Variants in NFIB observed in about 807,000 individuals in gnomAD.
NFIB encodes nuclear factor I B.
In NFIB, 11 loss-of-function variants were observed where a neutral mutation model predicts 61.5. The observed-to-expected ratio is 0.18, with a 90% confidence interval of 0.11 to 0.30. The LOEUF (loss-of-function observed/expected upper bound fraction) is 0.30. NFIB is among the 10% of genes least tolerant of loss of function. The pLI is 1.00. For synonymous variants in NFIB, 260 were observed against 216.5 expected (o/e 1.20, Z -1.76); for missense variants, 471 against 608.9 (o/e 0.77, Z 2.38).
intron 2 of NFIB, among the ~76,000 whole-genome samples, chr9:14,190,465 G>A (rs2131548831): frequency 6.6e-6 from 1 of 152,286 alleles, no homozygotes; most frequent in South Asian, 2.1e-4. Context: ...CAGGAAGCTT[G>A]CTGATGTGGC....
At chr9:14,109,706 T>C (rs1348981475) in intron 10 of NFIB, among the ~76,000 whole-genome samples, 1 of 152,130 alleles carries the variant, frequency 6.6e-6, no homozygotes, top group Non-Finnish European at 1.5e-5. Flanking sequence ...TAAAGTCAAA[T>C]ACTGATCAGC....
chr9:14,145,412 A>G (rs1380950409), intron 6 of NFIB, among the ~76,000 whole-genome samples: 1 of 152,118 alleles, frequency 6.6e-6, no homozygotes, highest in African/African-American at 2.4e-5. Flanking sequence ...AAGGAGGTAC[A>G]CTTGACTCAA....
the NFIB span, among the ~76,000 whole-genome samples, chr9:14,502,588 C>T: frequency 6.6e-6 from 1 of 152,170 alleles, no homozygotes; most frequent in Non-Finnish European, 1.5e-5. Context: ...TCTTACACAG[C>T]GGATGATTAA....
Position 14,155,638 on chromosome 9 carries a change from T to A in NFIB, c.685+187A>T, listed in dbSNP as rs1171201914. ...AATTATTTTTGTACAACAAAAAGTT[T>A]TGATGATTTGAATGCAAACATTTTA... is the stretch of plus-strand genomic sequence containing the variant. On this transcript the variant is annotated intron_variant, in intron 4 of 10. Coordinates refer to ENST00000380953, the MANE Select transcript of NFIB (RefSeq NM_001190737.2). Among the ~76,000 whole-genome samples, 3 of 152,314 alleles carry A rather than the reference T, an allele frequency of 2.0e-5. No homozygotes were observed. In the South Asian group the frequency reaches 6.2e-4, roughly 32 times the overall value.
intron 1 of NFIB, among the ~76,000 whole-genome samples, chr9:14,390,042 C>G (rs938246136): frequency 2.6e-5 from 4 of 152,126 alleles, no homozygotes; most frequent in Admixed American, 1.3e-4. Context: ...TTGTCTTAAA[C>G]CCTACCAAAA....
At chr9:14,104,729 T>G (rs1359923323) in intron 10 of NFIB, among the ~76,000 whole-genome samples, 1 of 151,290 alleles carries the variant, frequency 6.6e-6, no homozygotes, top group Non-Finnish European at 1.5e-5. Context: ...TACAGGTTCG[T>G]GCCACCATGC....
At chr9:14,397,105 T>C (rs1166930107) in intron 1 of NFIB, among the ~76,000 whole-genome samples, 1 of 152,200 alleles carries the variant, frequency 6.6e-6, no homozygotes, top group African/African-American at 2.4e-5. Context: ...CTCTCTCTCT[T>C]TCTTTCTCAC....
At chr9:14,163,647 T>C in intron 3 of NFIB, among the ~76,000 whole-genome samples, 1 of 152,116 alleles carries the variant, frequency 6.6e-6, no homozygotes, top group Non-Finnish European at 1.5e-5. Context: ...AGAAACTTTA[T>C]AAAAAATAAA....
chr9:14,305,445 ATC>A (rs1280882110), intron 2 of NFIB, among the ~76,000 whole-genome samples: 2 of 152,232 alleles, frequency 1.3e-5, no homozygotes, highest in African/African-American at 4.8e-5. Context: ...CCTCCTAGAC[ATC>A]TGTCAATCAA....
At chr9:14,206,716 A>C (rs2049776175) in intron 2 of NFIB, among the ~76,000 whole-genome samples, 1 of 150,518 alleles carries the variant, frequency 6.6e-6, no homozygotes, top group African/African-American at 2.4e-5. Context: ...AAAAAAAAAA[A>C]AAAAACCTAA....
chr9:14,125,487 T>C (rs774375546), intron 7 of NFIB, 145 bp downstream of exon 7: 3 of 1,176,476 alleles, frequency 2.5e-6, no homozygotes, highest in Non-Finnish European at 3.5e-6. Context: ...GAAGAAAAAA[T>C]ACTTGATCGG....
chr9:14,092,958 C>T (rs1168245291), intron 10 of NFIB, among the ~76,000 whole-genome samples: 2 of 152,062 alleles, frequency 1.3e-5, no homozygotes, highest in African/African-American at 4.8e-5. Flanking sequence ...TTGCTCTCGG[C>T]AGCCATACCA....
At chr9:14,124,789 C>A (rs1051232509) in intron 7 of NFIB, among the ~76,000 whole-genome samples, 1 of 152,134 alleles carries the variant, frequency 6.6e-6, no homozygotes, top group Admixed American at 6.5e-5. Context: ...CATTTTCCTA[C>A]TTAAATTAAG....
At chr9:14,337,458 G>C (rs1341197243) in intron 1 of NFIB, among the ~76,000 whole-genome samples, 1 of 152,214 alleles carries the variant, frequency 6.6e-6, no homozygotes, top group Non-Finnish European at 1.5e-5. Flanking sequence ...TTACCTCTCA[G>C]GAGAGGGAGG....
intron 2 of NFIB, among the ~76,000 whole-genome samples, chr9:14,231,149 T>A (rs1238855441): frequency 7.2e-6 from 1 of 138,768 alleles, no homozygotes; most frequent in Non-Finnish European, 1.6e-5. Context: ...TATATATATA[T>A]ATATATATAT....
At chr9:14,471,479 T>G in the NFIB span, among the ~76,000 whole-genome samples, 1 of 152,224 alleles carries the variant, frequency 6.6e-6, no homozygotes, top group Non-Finnish European at 1.5e-5. Context: ...GAATGTGCAG[T>G]AAGCAACACG....
chr9:14,213,309 G>C (rs982806102), intron 2 of NFIB, among the ~76,000 whole-genome samples: 11 of 147,010 alleles, frequency 7.5e-5, no homozygotes, highest in Non-Finnish European at 1.5e-4. Flanking sequence ...TTGATCTTTG[G>C]AAAGTTAACG....
intron 3 of NFIB, among the ~76,000 whole-genome samples, chr9:14,175,126 G>C (rs1409575766): frequency 1.3e-5 from 2 of 150,422 alleles, no homozygotes; most frequent in Non-Finnish European, 1.5e-5. Flanking sequence ...AATAACATTG[G>C]AGAGAGAGCT....
intron 2 of NFIB, among the ~76,000 whole-genome samples, chr9:14,248,517 T>G (rs2055199574): frequency 6.6e-6 from 1 of 152,170 alleles, no homozygotes; most frequent in South Asian, 2.1e-4. Context: ...GCAGTCCTCC[T>G]GCCTTAGCCT....
Sources: allele counts gnomAD v4.1 joint callset (sites outside exome capture counted in the v4.1 genomes callset), GRCh38; gene constraint gnomAD v4.1.1; transcripts MANE v1.5; gene names NCBI Gene and HGNC (gene_info 2026-07-23, HGNC 2026-07-21).